RASSF5: variants seen among roughly 807,000 people sequenced by gnomAD.
RASSF5 encodes the protein Ras association domain family member 5, also known as ras association domain-containing protein 5.
RASSF5 carries 25 observed loss-of-function variants against 40.5 expected under a neutral mutation model. The ratio of observed to expected loss-of-function variants is 0.62; its 90% CI spans 0.45 to 0.86. RASSF5 has a LOEUF of 0.86. Among genes scored for constraint, RASSF5 ranks in the 40% least tolerant of loss-of-function variants. The pLI, the probability that RASSF5 is intolerant of heterozygous loss-of-function variation, is 0.00. For synonymous variants in RASSF5, 246 were observed against 252.4 expected (o/e 0.97, Z 0.24); for missense variants, 521 against 572.8 (o/e 0.91, Z 0.92).
chr1:206,582,814 C>A (rs1668946196), intron 2 of RASSF5, among the ~76,000 whole-genome samples: 1 of 152,220 alleles, frequency 6.6e-6, no homozygotes, highest in South Asian at 2.1e-4. Context: ...AGACGCCTGT[C>A]CCTCCAGCTG....
At chr1:206,546,089 ATTTTTTTTTTTTTTTTTT>A (rs10603701) in intron 2 of RASSF5, among the ~76,000 whole-genome samples, 1,323 of 48,224 alleles carry the variant, frequency 0.027, 16 homozygotes, top group Non-Finnish European at 0.04. Flanking sequence ...TTCTTTTTCT[ATTTTTTTTTTTTTTTTTT>A]TTTTTTTTTT....
chr1:206,514,398 G>T (rs1666698171), intron 1 of RASSF5, among the ~76,000 whole-genome samples: 1 of 152,256 alleles, frequency 6.6e-6, no homozygotes, highest in Admixed American at 6.5e-5. Context: ...CATGCTGAGG[G>T]TCTATAAGAG....
rs1667856785 is a variant in RASSF5, at chr1:206,552,092, A to G, written c.579+13799A>G. ...GTAGGTTCAGTGTCAAGGCCTATCGAAGCTGTTAGCCTGGCAGCCAATCAG... is the reference window on the plus strand; with the variant it reads ...GTAGGTTCAGTGTCAAGGCCTATCGGAGCTGTTAGCCTGGCAGCCAATCAG... On this transcript the variant is annotated intron_variant, in intron 2 of 5. Coordinates refer to ENST00000579436, the MANE Select transcript of RASSF5 (RefSeq NM_182663.4). The surrounding 1 kb of genome is among the most constrained non-coding windows in gnomAD (Gnocchi z 4.1). Among the ~76,000 whole-genome samples the G allele has an allele frequency of 6.6e-6, 1 of 152,204 alleles. No individual in the cohort carries two copies. Among genetic ancestry groups the G allele is most frequent in the African/African-American group, 2.4e-5 (1 of 41,442 alleles).
rs1327990123 is a variant in RASSF5 at position 206,528,122 on chromosome 1, A to G, written c.458-10050A>G. ...CAGTAAGTGAAGAGATGAATAAACTATGGTCATCCAGATAACGGAATATTA... is the reference window on the plus strand; with the variant it reads ...CAGTAAGTGAAGAGATGAATAAACTGTGGTCATCCAGATAACGGAATATTA... On this transcript the variant is annotated intron_variant, in intron 1 of 5. Transcript: ENST00000579436. 2.0e-5 allele frequency among the ~76,000 whole-genome samples: 3 copies of G among 152,196 alleles called. No individual in the cohort carries two copies. In the East Asian group the frequency reaches 5.8e-4, roughly 29 times the overall value.
chr1:206,547,304 T>G (rs753107876), intron 2 of RASSF5, among the ~76,000 whole-genome samples: 1 of 152,012 alleles, frequency 6.6e-6, no homozygotes. Flanking sequence ...GGTGAGCAGT[T>G]GGAGAGCAAG....
intron 2 of RASSF5, among the ~76,000 whole-genome samples, chr1:206,577,831 G>C (rs4845110): frequency 0.86 from 131,161 of 152,276 alleles, 57,048 homozygotes; most frequent in East Asian, 1. Flanking sequence ...ATGCTCAGAG[G>C]CACCAGGCAC....
At chr1:206,556,225 C>T (rs1048081112) in intron 2 of RASSF5, among the ~76,000 whole-genome samples, 1 of 152,162 alleles carries the variant, frequency 6.6e-6, no homozygotes, top group Non-Finnish European at 1.5e-5. Context: ...GTGACTGGGG[C>T]GTAGGCAGCT....
rs1325460241 is a variant in RASSF5, at chr1:206,550,462, C to T, written c.579+12169C>T. Among the ~76,000 whole-genome samples the T allele has an allele frequency of 2.6e-5, 4 of 152,148 alleles. No individual in the cohort carries two copies. The East Asian group carries it at 5.8e-4, about 22-fold the overall frequency. ...GCACATAGTAGGTGCTGAAGAAGTC[C>T]TTCATTTTATTCGATTTTGAACTTG... On this transcript the variant is annotated intron_variant, in intron 2 of 5. Transcript: ENST00000579436.
chr1:206,571,350 G>T (rs1211024214), intron 2 of RASSF5: 8 of 150,012 alleles, frequency 5.3e-5, no homozygotes, highest in Non-Finnish European at 1.2e-4. Flanking sequence ...TATATCATTT[G>T]CAAAGGAATA....
intron 2 of RASSF5, among the ~76,000 whole-genome samples, chr1:206,582,589 G>A (rs1275688943): frequency 1.3e-5 from 2 of 152,212 alleles, no homozygotes; most frequent in East Asian, 1.9e-4. Flanking sequence ...GTGCCCAGTA[G>A]CGGTTTATCT....
chr1:206,565,492 C>A (rs913482176), intron 2 of RASSF5, among the ~76,000 whole-genome samples: 33 of 152,218 alleles, frequency 2.2e-4, no homozygotes, highest in African/African-American at 8.0e-4. Context: ...TTTTAACTTT[C>A]CTATAGCACT....
intron 2 of RASSF5, among the ~76,000 whole-genome samples, chr1:206,573,001 C>A (rs1182744797): frequency 1.3e-5 from 2 of 152,112 alleles, no homozygotes; most frequent in Middle Eastern, 3.2e-3. Flanking sequence ...CAAATGACTA[C>A]TGAAGATGAT....
chr1:206,550,081 G>A (rs1667795099), intron 2 of RASSF5, among the ~76,000 whole-genome samples: 1 of 152,074 alleles, frequency 6.6e-6, no homozygotes, highest in African/African-American at 2.4e-5. Context: ...GGGTTTTCCA[G>A]GCTCCACCTT....
intron 2 of RASSF5, among the ~76,000 whole-genome samples, chr1:206,555,833 C>A (rs2103537276): frequency 6.6e-6 from 1 of 152,334 alleles, no homozygotes; most frequent in South Asian, 2.1e-4. Context: ...CAGTTTGAAA[C>A]CTTCCCGAGC....
At chr1:206,546,854 C>A (rs2103530279) in intron 2 of RASSF5, among the ~76,000 whole-genome samples, 1 of 152,342 alleles carries the variant, frequency 6.6e-6, no homozygotes, top group African/African-American at 2.4e-5. Context: ...AAATGTGCAT[C>A]TCTTTAGCAC....
chr1:206,585,109 C>A, intron 4 of RASSF5, 71 bp from the exon 5 acceptor site: 2 of 1,158,892 alleles, frequency 1.7e-6, no homozygotes, highest in East Asian at 2.3e-5. Context: ...CATTTCCAAT[C>A]CTTTCCCGCA....
At chr1:206,520,786 A>C (rs1558496959) in intron 1 of RASSF5, among the ~76,000 whole-genome samples, 1 of 152,172 alleles carries the variant, frequency 6.6e-6, no homozygotes, top group Non-Finnish European at 1.5e-5. Context: ...GGGGTAAATT[A>C]AATGTCAAAC....
chr1:206,520,525 T>C (rs1666877833), intron 1 of RASSF5, among the ~76,000 whole-genome samples: 1 of 150,728 alleles, frequency 6.6e-6, no homozygotes, highest in South Asian at 2.1e-4. Context: ...GAGAATTGCT[T>C]GAATCCGGGA....
intron 2 of RASSF5, among the ~76,000 whole-genome samples, chr1:206,553,584 A>G (rs1181198051): frequency 6.6e-6 from 1 of 152,206 alleles, no homozygotes; most frequent in Non-Finnish European, 1.5e-5. Flanking sequence ...GTACTCAGTG[A>G]GCTGTTACAG....
Sources: gnomAD v4.1 joint callset for allele counts (sites outside exome capture counted in the v4.1 genomes callset) on GRCh38, gnomAD v4.1.1 for gene constraint, Gnocchi (gnomAD v3.1) non-coding constraint, MANE v1.5 for transcripts, NCBI Gene and HGNC (gene_info 2026-07-23, HGNC 2026-07-21) for gene names.